Variants in CHPF observed in about 807,000 individuals in gnomAD.
CHPF encodes chondroitin polymerizing factor, also known as chondroitin polymerizing factor, non-catalytic subunit.
CHPF carries 34 observed loss-of-function variants against 55.1 expected under a neutral mutation model. The observed-to-expected ratio is 0.62, with a 90% CI of 0.47 to 0.82. The LOEUF is 0.82. Ranked by LOEUF, CHPF falls within the 40% of genes least tolerant of loss-of-function variation. The pLI is 0.00. For missense variants in CHPF, 961 were observed against 1,106.1 expected, an observed-to-expected ratio of 0.87 and a Z score of 1.86; for synonymous variants, 489 against 496.6, an observed-to-expected ratio of 0.98 and a Z score of 0.20.
chr2:219,541,848 G>A lies in CHPF; in HGVS notation c.656C>T (p.Ala219Val), dbSNP rs1695276481. The change falls in exon 2 of 4, where the codon GCC becomes GTC. Residue 219 changes from alanine to valine, a missense_variant. Ala to Val is a moderately conservative substitution (Grantham distance 64). Coordinates refer to ENST00000243776, the MANE Select transcript of CHPF (RefSeq NM_024536.6). ...LARLTGHLSL[A>V]SAAHLYLGRP... is the part of the protein sequence containing the mutation. The stretch of plus-strand genomic sequence containing the variant: ...GCCCAGGTACAGGTGGGCGGCGGAG[G>A]CCAGGCTGAGGTGGCCAGTTAGGCG... 6.2e-7 allele frequency: 1 copy of A among 1,610,624 alleles called. No homozygotes were observed. Among genetic ancestry groups the A allele is most frequent in the Non-Finnish European group, 8.5e-7 (1 of 1,178,722 alleles).
Position 219,539,399 on chromosome 2 carries a change from T to G in CHPF, c.2312A>C (p.Gln771Pro). ...AGGGTGGGGTCAGGTGCTGTTGCCC[T>G]GCTCCTGTTCAAAGAGTAGCATGGC... Reference protein sequence around the residue: ...QLAMLLFEQEQGNST With the variant: ...QLAMLLFEQEPGNST The change falls in exon 4 of 4, where the codon CAG becomes CCG. Residue 771 changes from glutamine to proline, a missense_variant. By Grantham distance (76) the Gln-to-Pro change is moderately conservative (BLOSUM62 -1). This residue lies in a region of CHPF where 936 missense variants were observed against 1,058.4 expected (regional missense o/e 0.88). Transcript: ENST00000243776. 6.2e-7 allele frequency: 1 copy of G among 1,602,402 alleles called. No individual in the cohort carries two copies. The highest frequency in any genetic ancestry group is 8.5e-7 in the Non-Finnish European group (1 of 1,171,790).
In CHPF at chr2:219,542,194, G is replaced by A. The variant is rs773197011; in HGVS notation, c.315-5C>T. 2 of 1,161,218 alleles carry A rather than the reference G, an allele frequency of 1.7e-6. No individual in the cohort carries two copies. Among genetic ancestry groups the A allele is most frequent in the Non-Finnish European group, 1.1e-6 (1 of 928,440 alleles). The allele number at this position is 1,161,218 out of a possible 1,614,324, so 71.9% of individuals were successfully genotyped here. ...TCCGTGCTGATGTAGCGGGTCCTAG[G>A]GGAGGAGATGGCACAAGCTTATCAA... On this transcript the variant is annotated splice_polypyrimidine_tract_variant and splice_region_variant and intron_variant, in intron 1 of 3. Transcript: ENST00000243776.
chr2:219,543,149 A>G, intron 1 of CHPF, 76 bp downstream of exon 1: 2 of 1,371,964 alleles, frequency 1.5e-6, no homozygotes, highest in South Asian at 1.7e-5. Flanking sequence ...CCGGAGCCTG[A>G]CCCGGGCCCG....
chr2:219,542,878 C>G, intron 1 of CHPF: 1 of 1,087,118 alleles, frequency 9.2e-7, no homozygotes, highest in Non-Finnish European at 1.1e-6. Context: ...AATCCTAGTT[C>G]TCTCCTTTCT....
intron 1 of CHPF, chr2:219,542,793 T>C (rs569050685): frequency 2.4e-3 from 1,039 of 439,212 alleles, no homozygotes; most frequent in Non-Finnish European, 3.0e-3. Flanking sequence ...ATTAATGAGA[T>C]AGGTACATTC....
At chr2:219,542,861 C>A in intron 1 of CHPF, 1 of 1,054,366 alleles carries the variant, frequency 9.5e-7, no homozygotes, top group Non-Finnish European at 1.1e-6. Flanking sequence ...AACAAGAGAT[C>A]CAGGTAAATC....
rs768019529 is a variant in CHPF at position 219,541,705 on chromosome 2, G to A, written c.799C>T (p.Arg267Cys). The stretch of plus-strand genomic sequence containing the variant: ...GGGCGCGCACTGACGATGTCGTTGC[G>A]GCAGCCTTCCAGGTGGGGGCGCAGT... ...QQLRPHLEGC[R>C]NDIVSARPDE... Residue 267 changes from arginine (R) to cysteine (C), a missense_variant, in exon 2 of 4, where the codon CGC becomes TGC. Physicochemically the swap from Arg to Cys is radical, Grantham distance 180. Coordinates refer to ENST00000243776, the MANE Select transcript of CHPF (RefSeq NM_024536.6). 5.6e-6 allele frequency: 9 copies of A among 1,611,762 alleles called. No individual in the cohort carries two copies. Among genetic ancestry groups the A allele is most frequent in the Non-Finnish European group, 6.8e-6 (8 of 1,179,030 alleles).
At position 219,540,710 on chromosome 2, in the gene CHPF, G is replaced by A. The variant is rs1695253063; in HGVS notation, c.1069-68C>T. The A allele has an allele frequency of 2.0e-6, 3 of 1,466,840 alleles. No individual in the cohort carries two copies. The East Asian group carries it at 7.3e-5, about 35-fold the overall frequency. The allele number at this position is 1,466,840 out of a possible 1,614,324, so 90.9% of individuals were successfully genotyped here. On this transcript the variant is annotated intron_variant, in intron 3 of 3. Coordinates refer to ENST00000243776, the MANE Select transcript of CHPF (RefSeq NM_024536.6). The stretch of plus-strand genomic sequence containing the variant: ...GGAGCAGCACACAGCTGGGGGACTG[G>A]GTAGGCAGTAGGTGCCACTCAGGAT...
At position 219,539,984 on chromosome 2, in the gene CHPF, C is replaced by T. The variant is rs147412914; in HGVS notation, c.1727G>A (p.Arg576His). The change falls in exon 4 of 4, where the codon CGT becomes CAT. Residue 576 changes from arginine to histidine, a missense_variant. Physicochemically the swap from Arg to His is conservative, Grantham distance 29. Transcript: ENST00000243776. ...CCATGGCACCCGGGCACCGGGGAAA[C>T]GCCGCTCCAGCTCTGCCACGTGGGC... ...VKAHVAELERRFPGARVPWLS... is the reference protein window; with the variant it reads ...VKAHVAELERHFPGARVPWLS... 88 of 1,613,690 alleles carry T rather than the reference C, an allele frequency of 5.5e-5. No homozygotes were observed. The African/African-American group carries it at 7.3e-4, about 13-fold the overall frequency.
Position 219,541,779 on chromosome 2 carries a change from T to C in CHPF, c.725A>G (p.Tyr242Cys). 1 of 1,608,714 alleles carries C rather than the reference T, an allele frequency of 6.2e-7. No individual in the cohort carries two copies. Among genetic ancestry groups the C allele is most frequent in the Non-Finnish European group, 8.5e-7 (1 of 1,177,384 alleles). The stretch of plus-strand genomic sequence containing the variant: ...CAGCACCCCAAAGCCTCCGTGGCAG[T>C]AGCGGCCGGGGGTGGGCTCTCCGCC... ...FIGGEPTPGR[Y>C]CHGGFGVLLS... is the part of the protein sequence containing the mutation. Residue 242 changes from tyrosine (Y) to cysteine (C), a missense_variant, in exon 2 of 4, where the codon TAC becomes TGC. By Grantham distance (194) the Tyr-to-Cys change is radical. Transcript: ENST00000243776.
At chr2:219,542,855 A>C in intron 1 of CHPF, 4 of 1,042,480 alleles carry the variant, frequency 3.8e-6, no homozygotes, top group Non-Finnish European at 4.6e-6. Flanking sequence ...CTCAGGAACA[A>C]GAGATCCAGG....
rs1021337929 is a variant in CHPF at position 219,541,710 on chromosome 2, C to G, written c.794G>C (p.Gly265Ala). Residue 265 changes from glycine to alanine, a missense_variant, in exon 2 of 4, where the codon GGC (glycine) becomes GCC (alanine). Gly to Ala is a moderately conservative substitution (Grantham distance 60). Coordinates refer to ENST00000243776, the MANE Select transcript of CHPF (RefSeq NM_024536.6). ...CGCACTGACGATGTCGTTGCGGCAGCCTTCCAGGTGGGGGCGCAGTTGTTG... is the reference window on the plus strand; with the variant it reads ...CGCACTGACGATGTCGTTGCGGCAGGCTTCCAGGTGGGGGCGCAGTTGTTG... Reference protein sequence around the residue: ...LLQQLRPHLEGCRNDIVSARP... With the variant: ...LLQQLRPHLEACRNDIVSARP... 1.9e-6 allele frequency: 3 copies of G among 1,611,706 alleles called. No homozygotes were observed. Among genetic ancestry groups the G allele is most frequent in the Admixed American group, 1.7e-5 (1 of 59,914 alleles).
rs1695201443 is a variant in CHPF at position 219,539,013 on chromosome 2, T to G, written c.*370A>C. 2 of 211,842 alleles carry G rather than the reference T, an allele frequency of 9.4e-6. No individual in the cohort carries two copies. Among genetic ancestry groups the G allele is most frequent in the Non-Finnish European group, 1.9e-5 (2 of 106,240 alleles). 13.1% of individuals were successfully genotyped at this position (211,842 alleles called of 1,614,324 possible). A position where few individuals can be genotyped will look rare whatever the true frequency, so the allele number is the denominator to read the frequency against. On this transcript the variant is annotated 3_prime_UTR_variant, in exon 4 of 4. Transcript: ENST00000243776. ...TTCGGCAGGGTCCAAAAGGGAGAAGTTGGGAGATGCCCCCTCCTCAGCTCC... is the reference window on the plus strand; with the variant it reads ...TTCGGCAGGGTCCAAAAGGGAGAAGGTGGGAGATGCCCCCTCCTCAGCTCC...
In CHPF at chr2:219,543,338, G is replaced by A. The variant is rs760936003; in HGVS notation, c.201C>T (p.Pro67=). The A allele has an allele frequency of 7.7e-5, 121 of 1,568,796 alleles. No individual in the cohort carries two copies. The Middle Eastern group carries it at 2.0e-3, about 25-fold the overall frequency. ...CCCCGGGCTTCTCGCGCTCCGCTCC[G>A]GGCTGCACCGAGTTGGGCCGGCGCG... ...NAARRPNSVQ[P]GAEREKPGAG... The change falls in exon 1 of 4, where the codon CCC becomes CCT. Residue 67 remains proline, a synonymous_variant. Transcript: ENST00000243776.
chr2:219,543,168 C>T, intron 1 of CHPF, 57 bp downstream of exon 1: 1 of 1,375,548 alleles, frequency 7.3e-7, no homozygotes, highest in African/African-American at 1.5e-5. Context: ...CGGGCGACCT[C>T]CCCGCGCGCT....
At position 219,539,762 on chromosome 2, in the gene CHPF, G is replaced by C. The variant is rs62191582; in HGVS notation, c.1949C>G (p.Ala650Gly). ...CCCAGGCCCTTGTGGTGGGGCCACAGCTGGGTGGAAGGCTTGGAAATGCAT... is the reference window on the plus strand; with the variant it reads ...CCCAGGCCCTTGTGGTGGGGCCACACCTGGGTGGAAGGCTTGGAAATGCAT... Reference protein sequence around the residue: ...FPMHFQAFHPAVAPPQGPGPP... With the variant: ...FPMHFQAFHPGVAPPQGPGPP... Residue 650 changes from alanine (A) to glycine (G), a missense_variant, in exon 4 of 4, where the codon GCT (alanine) becomes GGT (glycine). Physicochemically the swap from Ala to Gly is moderately conservative, Grantham distance 60. Around this residue, in one of 3 missense-constraint regions of CHPF, gnomAD observed 936 missense variants for 1,058.4 expected, o/e 0.88. Coordinates refer to ENST00000243776, the MANE Select transcript of CHPF (RefSeq NM_024536.6). 0.026 allele frequency: 41,385 copies of C among 1,613,492 alleles called. 693 individuals carry two copies. The highest frequency in any genetic ancestry group is 0.027 in the Non-Finnish European group (31,865 of 1,180,014).
rs1695282724 is a variant in CHPF at position 219,542,049 on chromosome 2, G to A, written c.455C>T (p.Thr152Met). The A allele has an allele frequency of 1.3e-6, 2 of 1,583,418 alleles. No homozygotes were observed. The highest frequency in any genetic ancestry group is 8.6e-7 in the Non-Finnish European group (1 of 1,169,486). The change falls in exon 2 of 4, where the codon ACG becomes ATG. Residue 152 changes from threonine to methionine, a missense_variant. By Grantham distance (81) the Thr-to-Met change is moderately conservative. Transcript: ENST00000243776. ...GHRLERVVFL[T>M]GARGRRAPPG... The stretch of plus-strand genomic sequence containing the variant: ...TGGGGCCCGGCGGCCCCGTGCGCCC[G>A]TCAGGAACACCACACGCTCCAGCCG...
rs986801190 is a variant in CHPF, at chr2:219,540,232, G to A, written c.1479C>T (p.Arg493=). 3.1e-6 allele frequency: 5 copies of A among 1,613,560 alleles called. No individual in the cohort carries two copies. The highest frequency in any genetic ancestry group is 1.7e-5 in the Admixed American group (1 of 59,964). ...CATAGGGCACAGGCAAGATCTCCAC[G>A]CGGCTCAGCGGCCGGAGCAGCTGCA... The part of the protein sequence containing the change: ...RRVQLLRPLS[R]VEILPVPYVT... Residue 493 remains arginine, a synonymous_variant, in exon 4 of 4, where the codon CGC becomes CGT. Transcript: ENST00000243776.
At chr2:219,542,362 G>A (rs1695294955) in intron 1 of CHPF, among the ~76,000 whole-genome samples, 173 bp from the exon 2 acceptor site, 1 of 152,162 alleles carries the variant, frequency 6.6e-6, no homozygotes, top group African/African-American at 2.4e-5. Context: ...TAAACGAAAT[G>A]GTCTTAAACA....
Sources: gnomAD v4.1 joint callset for allele counts (sites outside exome capture counted in the v4.1 genomes callset) on GRCh38, gnomAD v4.1.1 for gene constraint, gnomAD v4.1.1 regional missense constraint, MANE v1.5 for transcripts, NCBI Gene and HGNC (gene_info 2026-07-23, HGNC 2026-07-21) for gene names.